The following FER1L5 variants were observed in gnomAD, a reference collection of about 807,000 sequenced individuals.
FER1L5 encodes the protein fer-1-like protein 5.
FER1L5 carries 187 observed loss-of-function variants against 279.9 expected under a neutral mutation model. The observed-to-expected ratio is 0.67, with a 90% CI of 0.59 to 0.75. The LOEUF (loss-of-function observed/expected upper bound fraction) is 0.75, where lower values mean the gene tolerates loss of function less well. Ranked by LOEUF, FER1L5 falls within the 30% of genes least tolerant of loss-of-function variation. FER1L5 has a pLI of 0.00. For synonymous variants in FER1L5, 921 were observed against 989.7 expected (o/e 0.93, Z 1.30); for missense variants, 2,091 against 2,594.4 (o/e 0.81, Z 4.21).
chr2:96,689,797 C>G lies in FER1L5; in HGVS notation c.2640+39C>G, dbSNP rs2077071475. On this transcript the variant is annotated intron_variant, in intron 26 of 52. Transcript: ENST00000624922. This position sits in a 1 kb window ranked among gnomAD's most constrained non-coding sequence, Gnocchi z 4.6. Reference sequence around the variant, plus strand: ...AAGCTGCCTCGGGTTAGGGGGCAAGCAAGGCCACCAGGCGGGGCGCCTTGG... The same window carrying G: ...AAGCTGCCTCGGGTTAGGGGGCAAGGAAGGCCACCAGGCGGGGCGCCTTGG... 6.7e-7 allele frequency: 1 copy of G among 1,483,166 alleles called. No individual in the cohort carries two copies. Among genetic ancestry groups the G allele is most frequent in the Non-Finnish European group, 9.1e-7 (1 of 1,103,480 alleles). The allele number at this position is 1,483,166 out of a possible 1,614,324, so 91.9% of individuals were successfully genotyped here.
intron 37 of FER1L5, among the ~76,000 whole-genome samples, 161 bp from the exon 38 acceptor site, chr2:96,697,365 T>C (rs1344932635): frequency 6.6e-6 from 1 of 152,138 alleles, no homozygotes; most frequent in African/African-American, 2.4e-5. Context: ...TCCTTCTTGC[T>C]CCCTAGATCC....
rs201547242 is a variant in FER1L5 at position 96,697,772 on chromosome 2, G to A, written c.4236+11G>A. On this transcript the variant is annotated intron_variant, in intron 39 of 52. Transcript: ENST00000624922. ...TACCACACCCTCAAGGTTTGAAGGA[G>A]GGAAGAAATGGGATGGAATCAAATC... 2,237 of 1,612,836 alleles carry A rather than the reference G, an allele frequency of 1.4e-3. 7 individuals carry two copies. The highest frequency in any genetic ancestry group is 1.8e-3 in the South Asian group (163 of 91,012).
chr2:96,689,215 T>A lies in FER1L5; in HGVS notation c.2364T>A (p.Tyr788Ter). ...CCTGACAAGCTTCCCTCCCCTAGTA[T>A]GAGAATCAGGCCAAGTATAAAGACC... ...QGDTAVYAEM[Y>*]ENQAKYKDQW... Residue 788 changes from tyrosine (Y) to a stop codon, truncating the protein, a stop_gained and splice_region_variant, in exon 25 of 53, where the codon TAT becomes TAA. Coordinates refer to ENST00000624922, the MANE Select transcript of FER1L5 (RefSeq NM_001293083.2). LOFTEE classifies it high-confidence loss of function. The surrounding 1 kb of genome is among the most constrained non-coding windows in gnomAD (Gnocchi z 4.6). 6.5e-7 allele frequency: 1 copy of A among 1,549,948 alleles called. No individual in the cohort carries two copies.
In FER1L5 at chr2:96,691,231, C is replaced by G. The variant is rs1349626250; in HGVS notation, c.2785C>G (p.Gln929Glu). The G allele has an allele frequency of 1.3e-6, 2 of 1,550,218 alleles. No homozygotes were observed. Among genetic ancestry groups the G allele is most frequent in the South Asian group, 2.4e-5 (2 of 84,036 alleles). Residue 929 changes from glutamine (Q) to glutamate (E), a missense_variant, in exon 28 of 53, where the codon CAG becomes GAG. Gln to Glu is a conservative substitution (Grantham distance 29). Coordinates refer to ENST00000624922, the MANE Select transcript of FER1L5 (RefSeq NM_001293083.2). This position sits in a 1 kb window ranked among gnomAD's most constrained non-coding sequence, Gnocchi z 6.0. ...GVGIPPSGLP[Q>E]VWSPVEKTYH... ...GGGGATCCCACCGTCGGGCCTGCCC[C>G]AGGTCTGGAGCCCGGTGGAGAAGAC...
intron 37 of FER1L5, 77 bp from the exon 38 acceptor site, chr2:96,697,449 C>T (rs2153303428): frequency 6.5e-7 from 1 of 1,536,124 alleles, no homozygotes; most frequent in Admixed American, 1.9e-5. Flanking sequence ...GCTCTGGCCT[C>T]AACCCCCCTC....
At position 96,695,586 on chromosome 2, in the gene FER1L5, G is replaced by A. The variant is rs1301396003; in HGVS notation, c.3819G>A (p.Leu1273=). 6.3e-7 allele frequency: 1 copy of A among 1,598,098 alleles called. No homozygotes were observed. The highest frequency in any genetic ancestry group is 1.7e-5 in the Admixed American group (1 of 57,358). The change falls in exon 35 of 53, where the codon CTG becomes CTA. Residue 1273 remains leucine (L), a synonymous_variant. Transcript: ENST00000624922. The part of the protein sequence containing the change: ...QLLVEFGEES[L]RTEPIRDFQT... ...TGGTGGAATTCGGGGAAGAGTCCCT[G>A]AGGACAGAACCCATCAGGGACTTTC...
chr2:96,666,798 G>A (rs1183308332), intron 14 of FER1L5, among the ~76,000 whole-genome samples: 1 of 151,836 alleles, frequency 6.6e-6, no homozygotes, highest in Non-Finnish European at 1.5e-5. Context: ...CTACATGCAT[G>A]AGCCACCATG....
Position 96,689,670 on chromosome 2 carries a change from A to T in FER1L5, c.2552A>T (p.Lys851Met). The change falls in exon 26 of 53, where the codon AAG becomes ATG. Residue 851 changes from lysine (K) to methionine (M), a missense_variant. By Grantham distance (95) the Lys-to-Met change is moderately conservative. Transcript: ENST00000624922. This position sits in a 1 kb window ranked among gnomAD's most constrained non-coding sequence, Gnocchi z 4.6. ...RRLLLDIDINKSQVLEEVYEN... is the reference protein window; with the variant it reads ...RRLLLDIDINMSQVLEEVYEN... ...CTCCTCCTGGACATAGACATCAACA[A>T]GAGCCAGGTGCTGGAGGAGGTATAT... The T allele has an allele frequency of 1.3e-6, 2 of 1,551,178 alleles. No homozygotes were observed. Among genetic ancestry groups the T allele is most frequent in the Non-Finnish European group, 1.7e-6 (2 of 1,146,914 alleles).
intron 12 of FER1L5, 125 bp from the exon 13 acceptor site, chr2:96,662,090 C>A: frequency 2.1e-6 from 2 of 950,100 alleles, no homozygotes; most frequent in Non-Finnish European, 1.6e-6. Flanking sequence ...GAACTGGAGA[C>A]AGGTCTGCCC....
At chr2:96,678,084 T>C (rs1383403768) in intron 19 of FER1L5, among the ~76,000 whole-genome samples, 1 of 152,058 alleles carries the variant, frequency 6.6e-6, no homozygotes, top group Non-Finnish European at 1.5e-5. Flanking sequence ...CTGCATTTCA[T>C]GTAATGACAC....
rs779096132 is a variant in FER1L5, at chr2:96,701,946, C to T, written c.5071-9C>T. 2.4e-5 allele frequency: 39 copies of T among 1,613,664 alleles called. No individual in the cohort carries two copies. The highest frequency in any genetic ancestry group is 1.1e-4 in the South Asian group (10 of 91,072). ...CAACCCCCAACCAGTCAATGTATCC[C>T]GGCTCTAGGGAAAGGTGCAAATGTG... is the stretch of plus-strand genomic sequence containing the variant. On this transcript the variant is annotated splice_polypyrimidine_tract_variant and intron_variant, in intron 45 of 52. Transcript: ENST00000624922.
At chr2:96,696,178 C>T in intron 37 of FER1L5, 101 bp downstream of exon 37, 2 of 1,506,996 alleles carry the variant, frequency 1.3e-6, no homozygotes, top group Non-Finnish European at 1.8e-6. Flanking sequence ...ATACCCGTGC[C>T]CAACTGTGAG....
intron 8 of FER1L5, chr2:96,653,952 A>G: frequency 2.0e-6 from 1 of 499,696 alleles, no homozygotes; most frequent in Non-Finnish European, 3.5e-6. Flanking sequence ...GCCCCTTCCC[A>G]TGTGCCAGGA....
intron 45 of FER1L5, 112 bp from the exon 46 acceptor site, chr2:96,701,843 T>A: frequency 1.1e-6 from 1 of 931,846 alleles, no homozygotes; most frequent in Non-Finnish European, 1.7e-6. Context: ...CACCCCTCGG[T>A]GTTGGGAACA....
At chr2:96,679,484 A>T (rs533938201) in intron 19 of FER1L5, among the ~76,000 whole-genome samples, 27 of 152,030 alleles carry the variant, frequency 1.8e-4, no homozygotes, top group Admixed American at 3.9e-4. Context: ...AGCCTCCCAA[A>T]GTGCTGGGAT....
At chr2:96,703,501 C>G (rs1282531906) in intron 50 of FER1L5, 22 bp from the exon 51 acceptor site, 1 of 1,612,698 alleles carries the variant, frequency 6.2e-7, no homozygotes, top group East Asian at 2.2e-5. Flanking sequence ...CTCAGCCTCC[C>G]CCTCACCCAT....
Position 96,699,963 on chromosome 2 carries a change from C to T in FER1L5, c.4813C>T (p.Pro1605Ser), listed in dbSNP as rs776993265. 1.2e-6 allele frequency: 2 copies of T among 1,613,912 alleles called. No homozygotes were observed. Among genetic ancestry groups the T allele is most frequent in the Non-Finnish European group, 1.7e-6 (2 of 1,179,858 alleles). ...GCCCTTTAGATGGCGGGATCAGATGCCCCCAAGCTACCTCCTAGAACGCTA... is the reference window on the plus strand; with the variant it reads ...GCCCTTTAGATGGCGGGATCAGATGTCCCCAAGCTACCTCCTAGAACGCTA... ...SGPFRWRDQM[P>S]PSYLLERYAK... Residue 1605 changes from proline to serine, a missense_variant, in exon 44 of 53, where the codon CCC becomes TCC. Coordinates refer to ENST00000624922, the MANE Select transcript of FER1L5 (RefSeq NM_001293083.2).
chr2:96,645,478 A>G (rs2075079467), intron 1 of FER1L5, among the ~76,000 whole-genome samples: 1 of 152,196 alleles, frequency 6.6e-6, no homozygotes, highest in Non-Finnish European at 1.5e-5. Context: ...GCTGCAAGAC[A>G]CTGAAAACTC....
intron 19 of FER1L5, among the ~76,000 whole-genome samples, chr2:96,676,796 A>G (rs1307485196): frequency 2.0e-5 from 3 of 152,180 alleles, no homozygotes; most frequent in African/African-American, 7.2e-5. Context: ...ATTATATGTA[A>G]TATACCATGC....
Sources: allele counts gnomAD v4.1 joint callset (sites outside exome capture counted in the v4.1 genomes callset), GRCh38; gene constraint gnomAD v4.1.1; non-coding constraint Gnocchi (gnomAD v3.1); transcripts MANE v1.5; gene names NCBI Gene and HGNC (gene_info 2026-07-23, HGNC 2026-07-21).